Variants in IKZF2 observed in about 807,000 individuals in gnomAD.
IKZF2 encodes the protein zinc finger protein Helios.
IKZF2 carries 15 observed loss-of-function variants against 49.2 expected under a neutral mutation model. The observed-to-expected ratio is 0.30, with a 90% CI of 0.20 to 0.47. The LOEUF (loss-of-function observed/expected upper bound fraction) is 0.47. Ranked by LOEUF, IKZF2 falls within the 20% of genes least tolerant of loss-of-function variation. IKZF2 has a pLI of 1.00. For synonymous variants in IKZF2, 227 were observed against 221.4 expected (o/e 1.03, Z -0.23); for missense variants, 567 against 664.6 (o/e 0.85, Z 1.61).
chr2:213,135,606 G>GC (rs1244682597), intron 4 of IKZF2, among the ~76,000 whole-genome samples: 1 of 151,696 alleles, frequency 6.6e-6, no homozygotes, highest in Admixed American at 6.6e-5. Context: ...GATTGCTTGA[G>GC]CCCAGGAGTT....
chr2:213,126,686 A>G (rs903499652), intron 4 of IKZF2, among the ~76,000 whole-genome samples: 1 of 152,232 alleles, frequency 6.6e-6, no homozygotes, highest in African/African-American at 2.4e-5. Context: ...TGCAATAGGT[A>G]CGTCATATGG....
intron 4 of IKZF2, among the ~76,000 whole-genome samples, chr2:213,139,000 A>G (rs1459064555): frequency 6.6e-6 from 1 of 152,026 alleles, no homozygotes; most frequent in Non-Finnish European, 1.5e-5. Flanking sequence ...ATTTCTGTGA[A>G]TGGAAGTTCG....
intron 5 of IKZF2, among the ~76,000 whole-genome samples, chr2:213,050,183 C>G (rs74769235): frequency 2.4e-4 from 37 of 152,230 alleles, no homozygotes; most frequent in African/African-American, 8.4e-4. Flanking sequence ...CACTTTAGGG[C>G]CTTACACACA....
chr2:213,091,027 G>C (rs1407366831), intron 4 of IKZF2, among the ~76,000 whole-genome samples: 1 of 152,136 alleles, frequency 6.6e-6, no homozygotes, highest in Non-Finnish European at 1.5e-5. Context: ...AAGTGATTGG[G>C]ACACTACAGC....
At chr2:213,116,306 T>C (rs2059869603) in intron 4 of IKZF2, among the ~76,000 whole-genome samples, 1 of 152,240 alleles carries the variant, frequency 6.6e-6, no homozygotes, top group Non-Finnish European at 1.5e-5. Flanking sequence ...AAATAATTTC[T>C]ATTATACAAT....
At chr2:213,138,260 T>C (rs2060746988) in intron 4 of IKZF2, among the ~76,000 whole-genome samples, 1 of 152,090 alleles carries the variant, frequency 6.6e-6, no homozygotes, top group Non-Finnish European at 1.5e-5. Flanking sequence ...CATGGAAACA[T>C]CTACATTAAC....
intron 4 of IKZF2, among the ~76,000 whole-genome samples, chr2:213,128,425 A>T (rs190655454): frequency 6.6e-6 from 1 of 152,302 alleles, no homozygotes; most frequent in African/African-American, 2.4e-5. Flanking sequence ...CACAGCTATT[A>T]GGTTGAAAAA....
chr2:213,122,641 C>T (rs147909065), intron 4 of IKZF2, among the ~76,000 whole-genome samples: 1 of 152,306 alleles, frequency 6.6e-6, no homozygotes, highest in African/African-American at 2.4e-5. Flanking sequence ...AACACTCTTA[C>T]CAAATCTGCA....
chr2:213,135,677 C>T (rs1382251642), intron 4 of IKZF2, among the ~76,000 whole-genome samples: 2 of 148,824 alleles, frequency 1.3e-5, no homozygotes, highest in East Asian at 4.0e-4. Context: ...AGAACAAGAC[C>T]CCATCTCAGG....
At chr2:213,021,860 A>G (rs903690742) in intron 7 of IKZF2, 133 bp downstream of exon 7, 1 of 910,402 alleles carries the variant, frequency 1.1e-6, no homozygotes, top group South Asian at 1.8e-5. Context: ...ATTATTTGCA[A>G]TGTATCCCAA....
intron 4 of IKZF2, among the ~76,000 whole-genome samples, chr2:213,082,697 T>C (rs1704081921): frequency 6.6e-6 from 1 of 152,106 alleles, no homozygotes; most frequent in Non-Finnish European, 1.5e-5. Flanking sequence ...AAAGCAAGGG[T>C]TAAAAATACT....
chr2:213,150,344 T>A (rs2061238624), intron 1 of IKZF2, 97 bp from the exon 2 acceptor site: 1 of 394,028 alleles, frequency 2.5e-6, no homozygotes, highest in Non-Finnish European at 4.9e-6. Context: ...CCCTGCAGAG[T>A]TCAAGGGGAG....
chr2:213,134,626 A>C lies in IKZF2; in HGVS notation c.139+13082T>G, dbSNP rs369439437. Among the ~76,000 whole-genome samples, 166 of 152,294 alleles carry C rather than the reference A, an allele frequency of 1.1e-3. 4 individuals carry two copies. The South Asian group carries it at 0.03, about 28-fold the overall frequency. On this transcript the variant is annotated intron_variant, in intron 4 of 8. Coordinates refer to ENST00000434687, the MANE Select transcript of IKZF2 (RefSeq NM_001387220.1). ...CCCTTAGGACCCAGTTCTTTTAACC[A>C]ATCTACCCCCATCTCCTACTCCCTG...
chr2:213,087,821 G>C (rs1410905565), intron 4 of IKZF2, among the ~76,000 whole-genome samples: 1 of 152,122 alleles, frequency 6.6e-6, no homozygotes, highest in Admixed American at 6.5e-5. Context: ...TCCCTACAAA[G>C]GACATGAACT....
In IKZF2 at chr2:213,150,361, G is replaced by A. The variant is rs73987815; in HGVS notation, c.-119-114C>T. ...CTGCAGAGTTCAAGGGGAGGAGGAAGGAAAAGCACTTTACAGGTGGGTCAT... is the reference window on the plus strand; with the variant it reads ...CTGCAGAGTTCAAGGGGAGGAGGAAAGAAAAGCACTTTACAGGTGGGTCAT... On this transcript the variant is annotated intron_variant, in intron 1 of 8. Transcript: ENST00000434687. The A allele has an allele frequency of 6.5e-3, 2,304 of 355,992 alleles. 28 individuals are homozygous for A. Among genetic ancestry groups the A allele is most frequent in the African/African-American group, 0.041 (1,901 of 46,316 alleles). 22.1% of individuals were successfully genotyped at this position (355,992 alleles called of 1,614,324 possible).
At chr2:213,033,667 C>A (rs1559186027) in intron 6 of IKZF2, among the ~76,000 whole-genome samples, 1 of 151,798 alleles carries the variant, frequency 6.6e-6, no homozygotes, top group African/African-American at 2.4e-5. Flanking sequence ...AAACAATAGG[C>A]TTATTCACTA....
At chr2:213,038,047 G>A (rs1311333551) in intron 6 of IKZF2, among the ~76,000 whole-genome samples, 1 of 149,248 alleles carries the variant, frequency 6.7e-6, no homozygotes. Context: ...GGTCTGTTTT[G>A]TTTTGTTTTC....
intron 6 of IKZF2, among the ~76,000 whole-genome samples, chr2:213,044,615 CA>C (rs2125295070): frequency 6.6e-6 from 1 of 152,218 alleles, no homozygotes; most frequent in South Asian, 2.1e-4. Context: ...GCTAAAGCAG[CA>C]ATGGTAGTGT....
intron 8 of IKZF2, among the ~76,000 whole-genome samples, chr2:213,012,869 A>G (rs1409994585): frequency 1.3e-5 from 2 of 152,046 alleles, no homozygotes; most frequent in African/African-American, 4.8e-5. Context: ...ATCTGTTTGA[A>G]TATTTTTATC....
Sources: gnomAD v4.1 joint callset for allele counts (sites outside exome capture counted in the v4.1 genomes callset) on GRCh38, gnomAD v4.1.1 for gene constraint, MANE v1.5 for transcripts, NCBI Gene and HGNC (gene_info 2026-07-23, HGNC 2026-07-21) for gene names.